OXR1: variants seen among roughly 807,000 people sequenced by gnomAD.
OXR1 encodes oxidation resistance 1.
Under a neutral mutation model 104.6 loss-of-function variants are expected in OXR1, and 41 were observed. The ratio of observed to expected loss-of-function variants is 0.39; its 90% CI spans 0.31 to 0.51. The LOEUF (loss-of-function observed/expected upper bound fraction) is 0.51, where lower values mean the gene tolerates loss of function less well. Among genes scored for constraint, OXR1 ranks in the 20% least tolerant of loss-of-function variants. The probability of loss-of-function intolerance (pLI) is 0.77; values close to 1 mark genes in which losing one functional copy is unlikely to be tolerated. For missense variants in OXR1, 955 were observed against 1,031.9 expected (o/e 0.93, Z 1.02); for synonymous variants, 348 against 348.4 (o/e 1.00, Z 0.01).
chr8:106,368,567 C>T (rs1212757635), intron 2 of OXR1, among the ~76,000 whole-genome samples: 15 of 151,724 alleles, frequency 9.9e-5, no homozygotes, highest in Admixed American at 9.2e-4. Flanking sequence ...CACCCCCCAA[C>T]AGGCCCTGAT....
intron 15 of OXR1, among the ~76,000 whole-genome samples, chr8:106,743,244 G>A (rs1210422674): frequency 6.6e-6 from 1 of 152,176 alleles, no homozygotes; most frequent in African/African-American, 2.4e-5. Flanking sequence ...TCTCACTCCA[G>A]TCAGAATGGC....
intron 2 of OXR1, among the ~76,000 whole-genome samples, chr8:106,384,242 A>T (rs1817273722): frequency 6.6e-6 from 1 of 152,216 alleles, no homozygotes; most frequent in South Asian, 2.1e-4. Context: ...ATTAAGGACA[A>T]TGTTTACTTC....
At chr8:106,609,497 G>A (rs185129014) in intron 3 of OXR1, among the ~76,000 whole-genome samples, 12 of 152,134 alleles carry the variant, frequency 7.9e-5, no homozygotes, top group South Asian at 6.2e-4. Context: ...CTTTTTTATC[G>A]GAAGGAAAAT....
Position 106,300,725 on chromosome 8 carries a change from G to A in OXR1, c.-139+30358G>A, listed in dbSNP as rs545669977. ...TGCTAGGAAAACCATCATTGCTTTA[G>A]TTACTTTTTCATAAAAGTTAGTGGT... On this transcript the variant is annotated intron_variant, in intron 1 of 16. Coordinates refer to ENST00000517566, the MANE Select transcript of OXR1 (RefSeq NM_001198533.2). Among the ~76,000 whole-genome samples the A allele has an allele frequency of 5.3e-5, 8 of 152,210 alleles. No homozygotes were observed. In the South Asian group the frequency reaches 8.3e-4, roughly 16 times the overall value.
At chr8:106,335,969 G>T (rs756654359) in intron 1 of OXR1, among the ~76,000 whole-genome samples, 2 of 152,078 alleles carry the variant, frequency 1.3e-5, no homozygotes, top group Non-Finnish European at 2.9e-5. Flanking sequence ...GGTGGTGGTT[G>T]CCCATAAGCC....
intron 3 of OXR1, among the ~76,000 whole-genome samples, chr8:106,584,454 A>G (rs1446723789): frequency 6.6e-6 from 1 of 152,112 alleles, no homozygotes. Flanking sequence ...CAGGCATATT[A>G]TCATGAAACT....
At chr8:106,384,590 CA>C (rs1299451713) in intron 2 of OXR1, among the ~76,000 whole-genome samples, 3 of 152,132 alleles carry the variant, frequency 2.0e-5, no homozygotes, top group East Asian at 1.9e-4. Context: ...ATTTCGAAAT[CA>C]GGGGAAGCTC....
intron 3 of OXR1, among the ~76,000 whole-genome samples, chr8:106,544,550 G>T (rs1232649171): frequency 6.6e-6 from 1 of 152,162 alleles, no homozygotes; most frequent in East Asian, 1.9e-4. Flanking sequence ...AGGGAAAAGA[G>T]CAATGCTCTT....
intron 3 of OXR1, among the ~76,000 whole-genome samples, chr8:106,523,286 A>G (rs904386993): frequency 6.6e-6 from 1 of 152,342 alleles, no homozygotes; most frequent in East Asian, 1.9e-4. Context: ...TTTCTGTCTT[A>G]AGGTCCACAC....
intron 3 of OXR1, among the ~76,000 whole-genome samples, chr8:106,587,927 C>A (rs1004634913): frequency 6.6e-6 from 1 of 151,676 alleles, no homozygotes; most frequent in Non-Finnish European, 1.5e-5. Flanking sequence ...AAGGTAAGAC[C>A]AGTTGAACCA....
At chr8:106,328,639 T>C (rs1335578063) in intron 1 of OXR1, among the ~76,000 whole-genome samples, 1 of 152,164 alleles carries the variant, frequency 6.6e-6, no homozygotes, top group Non-Finnish European at 1.5e-5. Flanking sequence ...GATTCAGATA[T>C]TGAGATGGTG....
At chr8:106,690,032 A>G (rs1829120503) in intron 6 of OXR1, among the ~76,000 whole-genome samples, 1 of 151,116 alleles carries the variant, frequency 6.6e-6, no homozygotes, top group Middle Eastern at 3.2e-3. Context: ...TTAACTTAAA[A>G]TTAAAGACAC....
intron 7 of OXR1, among the ~76,000 whole-genome samples, chr8:106,700,665 A>G (rs1480489537): frequency 6.6e-6 from 1 of 152,174 alleles, no homozygotes; most frequent in Non-Finnish European, 1.5e-5. Flanking sequence ...TTAAGGTATT[A>G]AGGTATATAG....
chr8:106,406,352 C>T (rs1036613901), intron 2 of OXR1, among the ~76,000 whole-genome samples: 4 of 151,536 alleles, frequency 2.6e-5, no homozygotes, highest in African/African-American at 9.7e-5. Context: ...TTTACTTATT[C>T]ATATATATAT....
At chr8:106,642,050 G>T (rs1823694817) in intron 3 of OXR1, among the ~76,000 whole-genome samples, 1 of 152,058 alleles carries the variant, frequency 6.6e-6, no homozygotes, top group African/African-American at 2.4e-5. Context: ...GTGACTACAG[G>T]TGTGCACAAC....
At chr8:106,534,957 TTTTTG>T (rs1224902861) in intron 3 of OXR1, among the ~76,000 whole-genome samples, 2 of 152,114 alleles carry the variant, frequency 1.3e-5, no homozygotes, top group African/African-American at 2.4e-5. Flanking sequence ...CACGAGGTTT[TTTTTG>T]TTTTGTTTTG....
chr8:106,545,433 A>C (rs2130362757), intron 3 of OXR1, among the ~76,000 whole-genome samples: 1 of 152,344 alleles, frequency 6.6e-6, no homozygotes, highest in South Asian at 2.1e-4. Context: ...CTGGGTAGCA[A>C]AAACAAAAGA....
chr8:106,701,791 AC>A (rs2131350443), intron 7 of OXR1, among the ~76,000 whole-genome samples: 1 of 152,274 alleles, frequency 6.6e-6, no homozygotes, highest in Non-Finnish European at 1.5e-5. Flanking sequence ...AAATGGTTTT[AC>A]CCATCTCAGA....
intron 2 of OXR1, among the ~76,000 whole-genome samples, chr8:106,512,459 GT>G (rs201471216): frequency 7.0e-5 from 5 of 71,438 alleles, no homozygotes; most frequent in Non-Finnish European, 1.4e-4. Flanking sequence ...AAGAAGATCT[GT>G]TTTTTTTTCC....
Sources: allele counts gnomAD v4.1 joint callset (sites outside exome capture counted in the v4.1 genomes callset), GRCh38; gene constraint gnomAD v4.1.1; transcripts MANE v1.5; gene names NCBI Gene and HGNC (gene_info 2026-07-23, HGNC 2026-07-21).